Variants in SLC4A10 observed in about 807,000 individuals in gnomAD.
SLC4A10 encodes the protein sodium-driven chloride bicarbonate exchanger.
In SLC4A10, 42 loss-of-function variants were observed where a neutral mutation model predicts 137.7. The observed-to-expected ratio is 0.30, with a 90% CI of 0.24 to 0.39. SLC4A10 has a LOEUF of 0.39. Ranked by LOEUF, SLC4A10 falls within the 10% of genes least tolerant of loss-of-function variation. SLC4A10 has a pLI of 1.00. For missense variants in SLC4A10, 925 were observed against 1,355.0 expected, an observed-to-expected ratio of 0.68 and a Z score of 4.98; for synonymous variants, 474 against 464.1, an observed-to-expected ratio of 1.02 and a Z score of -0.27.
chr2:161,650,197 AGT>A lies in SLC4A10; in HGVS notation c.48+25632_48+25633del, dbSNP rs1182338819. 1.2e-3 allele frequency among the ~76,000 whole-genome samples: 176 copies of A among 152,330 alleles called. 2 individuals are homozygous for A. The South Asian group carries it at 0.02, about 17-fold the overall frequency. On this transcript the variant is annotated intron_variant, in intron 1 of 26. Transcript: ENST00000446997. Reference sequence around the variant, plus strand: ...TTTCATGATCTTGATACTTTTGAATAGTACTGGTCAGATATGTTGTAGAATGT... The same window carrying A: ...TTTCATGATCTTGATACTTTTGAATAACTGGTCAGATATGTTGTAGAATGT...
At chr2:161,702,600 A>T (rs1167979004) in intron 1 of SLC4A10, among the ~76,000 whole-genome samples, 1 of 151,822 alleles carries the variant, frequency 6.6e-6, no homozygotes, top group Non-Finnish European at 1.5e-5. Flanking sequence ...GGCTACAAAA[A>T]TCTGTCTTTC....
chr2:161,715,471 A>G (rs2044750655), intron 1 of SLC4A10, among the ~76,000 whole-genome samples: 1 of 152,062 alleles, frequency 6.6e-6, no homozygotes. Flanking sequence ...AGCATGCATT[A>G]GCTATTTTTC....
At chr2:161,829,415 A>G (rs746137443) in intron 3 of SLC4A10, among the ~76,000 whole-genome samples, 25 of 152,190 alleles carry the variant, frequency 1.6e-4, no homozygotes, top group Admixed American at 5.9e-4. Flanking sequence ...TGCTCAATAA[A>G]TCTAGGAAGA....
At chr2:161,897,745 A>G (rs1259712149) in intron 11 of SLC4A10, among the ~76,000 whole-genome samples, 1 of 152,142 alleles carries the variant, frequency 6.6e-6, no homozygotes, top group Non-Finnish European at 1.5e-5. Flanking sequence ...TCATTTCTGT[A>G]CTTGTAGAAT....
At chr2:161,730,931 A>G (rs1214865674) in intron 1 of SLC4A10, among the ~76,000 whole-genome samples, 1 of 152,200 alleles carries the variant, frequency 6.6e-6, no homozygotes, top group African/African-American at 2.4e-5. Context: ...GTTGACCTAT[A>G]GTATTTACAG....
chr2:161,952,561 T>A (rs1247407096), intron 19 of SLC4A10, among the ~76,000 whole-genome samples: 2 of 152,232 alleles, frequency 1.3e-5, no homozygotes, highest in African/African-American at 4.8e-5. Flanking sequence ...AAAAGTTGTG[T>A]ATTTTTGCCC....
intron 23 of SLC4A10, among the ~76,000 whole-genome samples, chr2:161,969,658 G>C (rs1259690381): frequency 6.6e-6 from 1 of 152,128 alleles, no homozygotes; most frequent in East Asian, 1.9e-4. Flanking sequence ...TCATGATAGT[G>C]ATACTTCTTG....
intron 1 of SLC4A10, among the ~76,000 whole-genome samples, chr2:161,666,793 T>G (rs2039094619): frequency 6.6e-6 from 1 of 151,688 alleles, no homozygotes; most frequent in African/African-American, 2.4e-5. Context: ...AATAATAGCT[T>G]GAAAGAAACA....
chr2:161,908,773 T>C (rs907752086), intron 15 of SLC4A10, among the ~76,000 whole-genome samples: 5 of 151,104 alleles, frequency 3.3e-5, no homozygotes, highest in South Asian at 2.1e-4. Flanking sequence ...AATCGTAAGA[T>C]TGATAATTTG....
intron 13 of SLC4A10, 79 bp from the exon 14 acceptor site, chr2:161,904,697 G>GT: frequency 2.0e-6 from 3 of 1,532,310 alleles, no homozygotes; most frequent in Non-Finnish European, 2.7e-6. Context: ...ACATATCCAT[G>GT]TATTTTAAAT....
At chr2:161,772,209 A>C (rs905767201) in intron 2 of SLC4A10, among the ~76,000 whole-genome samples, 1 of 151,894 alleles carries the variant, frequency 6.6e-6, no homozygotes, top group Non-Finnish European at 1.5e-5. Context: ...AAACCTTGAA[A>C]AATCTAGACT....
At chr2:161,654,054 G>GT (rs1182503265) in intron 1 of SLC4A10, among the ~76,000 whole-genome samples, 3 of 151,994 alleles carry the variant, frequency 2.0e-5, no homozygotes, top group Non-Finnish European at 2.9e-5. Flanking sequence ...GTTATCTTTT[G>GT]TTTTTTTGAA....
At chr2:161,728,565 C>T (rs906611463) in intron 1 of SLC4A10, among the ~76,000 whole-genome samples, 1 of 151,822 alleles carries the variant, frequency 6.6e-6, no homozygotes, top group Non-Finnish European at 1.5e-5. Context: ...CAGAGGAAGA[C>T]CCTGTCCAAA....
chr2:161,706,389 C>T (rs2043663224), intron 1 of SLC4A10, among the ~76,000 whole-genome samples: 1 of 151,546 alleles, frequency 6.6e-6, no homozygotes, highest in South Asian at 2.1e-4. Context: ...ATGAACCTTG[C>T]TTGATGTTTC....
At chr2:161,812,878 T>C (rs957338668) in intron 3 of SLC4A10, among the ~76,000 whole-genome samples, 2 of 152,076 alleles carry the variant, frequency 1.3e-5, no homozygotes, top group Admixed American at 6.6e-5. Flanking sequence ...TCCTCTGTAG[T>C]TTAATGTTAG....
chr2:161,726,832 C>A (rs752668520), intron 1 of SLC4A10, among the ~76,000 whole-genome samples: 2 of 152,146 alleles, frequency 1.3e-5, no homozygotes, highest in Admixed American at 6.5e-5. Flanking sequence ...TCAATTGAAC[C>A]TAGGAGGTGG....
intron 1 of SLC4A10, among the ~76,000 whole-genome samples, chr2:161,749,983 CT>C (rs541521078): frequency 1.8e-3 from 270 of 151,636 alleles, no homozygotes; most frequent in African/African-American, 6.3e-3. Context: ...TTTCAGTAGG[CT>C]TTATGTTTCT....
chr2:161,775,009 G>A (rs1157150587), intron 2 of SLC4A10, among the ~76,000 whole-genome samples: 1 of 151,808 alleles, frequency 6.6e-6, no homozygotes, highest in African/African-American at 2.4e-5. Context: ...GTGGCTTAGG[G>A]GACTCTAAAC....
At chr2:161,798,089 T>C in intron 2 of SLC4A10, among the ~76,000 whole-genome samples, 1 of 151,990 alleles carries the variant, frequency 6.6e-6, no homozygotes, top group East Asian at 1.9e-4. Flanking sequence ...TCCCATCCTC[T>C]CAGTCTCTTT....
Sources: allele counts gnomAD v4.1 joint callset (sites outside exome capture counted in the v4.1 genomes callset), GRCh38; gene constraint gnomAD v4.1.1; transcripts MANE v1.5; gene names NCBI Gene and HGNC (gene_info 2026-07-23, HGNC 2026-07-21).